NUP35: variants seen among roughly 807,000 people sequenced by gnomAD.
The protein encoded by NUP35 is nucleoporin 35.
A neutral mutation model predicts 41.5 loss-of-function variants in NUP35; 25 were observed. The observed-to-expected ratio is 0.60, with a 90% CI of 0.44 to 0.84. The LOEUF is 0.84. Ranked by LOEUF, NUP35 falls within the 40% of genes least tolerant of loss-of-function variation. The pLI, the probability that NUP35 is intolerant of heterozygous loss-of-function variation, is 0.00. For synonymous variants in NUP35, 149 were observed against 130.7 expected, an observed-to-expected ratio of 1.14 and a Z score of -0.96; for missense variants, 396 against 396.6, an observed-to-expected ratio of 1.00 and a Z score of 0.01.
chr2:183,121,491 A>G (rs1700066674), upstream of NUP35, among the ~76,000 whole-genome samples: 2 of 152,280 alleles, frequency 1.3e-5, no homozygotes, highest in Admixed American at 6.5e-5. Flanking sequence ...ATGCAGGTAA[A>G]GAAAAGAAAA....
chr2:183,155,182 A>G (rs1051689437), intron 5 of NUP35, among the ~76,000 whole-genome samples: 8 of 152,232 alleles, frequency 5.3e-5, no homozygotes, highest in Non-Finnish European at 1.2e-4. Flanking sequence ...TGTATCTATT[A>G]TATATTTTTT....
At chr2:183,141,751 G>T (rs1263388804) in intron 4 of NUP35, among the ~76,000 whole-genome samples, 1 of 152,046 alleles carries the variant, frequency 6.6e-6, no homozygotes, top group Non-Finnish European at 1.5e-5. Context: ...CACTTTTCAA[G>T]CACATTTTTC....
chr2:183,123,920 G>A (rs1313110710), upstream of NUP35: 4 of 539,200 alleles, frequency 7.4e-6, no homozygotes, highest in Admixed American at 2.5e-4. Context: ...AACGGCGTAT[G>A]AGTTACGCTT....
chr2:183,129,859 C>T (rs904990779), intron 2 of NUP35, among the ~76,000 whole-genome samples: 1 of 152,136 alleles, frequency 6.6e-6, no homozygotes, highest in Non-Finnish European at 1.5e-5. Flanking sequence ...GTTCTCTGAT[C>T]GATAAAGACA....
upstream of NUP35, among the ~76,000 whole-genome samples, chr2:183,120,837 C>T (rs1002826066): frequency 3.9e-5 from 6 of 152,086 alleles, no homozygotes; most frequent in Non-Finnish European, 5.9e-5. Context: ...AAAAGATGAG[C>T]TTGCTTTTGA....
chr2:183,160,455 C>G (rs1396303349), intron 8 of NUP35: 1 of 151,984 alleles, frequency 6.6e-6, no homozygotes, highest in Admixed American at 6.6e-5. Flanking sequence ...TGGTGCTATC[C>G]CAGCTCACTG....
intron 5 of NUP35, 108 bp downstream of exon 5, chr2:183,151,757 A>G (rs545669549): frequency 5.2e-6 from 5 of 959,004 alleles, no homozygotes; most frequent in East Asian, 5.0e-5. Context: ...AAACACCCAT[A>G]TTACTACCAC....
chr2:183,137,970 A>C (rs1684940367), intron 4 of NUP35, among the ~76,000 whole-genome samples: 1 of 151,862 alleles, frequency 6.6e-6, no homozygotes, highest in Non-Finnish European at 1.5e-5. Flanking sequence ...AACTTCTGTG[A>C]GGTTTTGTAA....
intron 1 of NUP35, among the ~76,000 whole-genome samples, chr2:183,126,048 C>G (rs6754901): frequency 0.16 from 23,803 of 151,946 alleles, 2,195 homozygotes; most frequent in African/African-American, 0.24. Flanking sequence ...TCCCTCCCTC[C>G]CTTCCTCTTT....
At chr2:183,148,561 AT>A (rs1035182558) in intron 4 of NUP35, among the ~76,000 whole-genome samples, 9 of 152,070 alleles carry the variant, frequency 5.9e-5, no homozygotes, top group African/African-American at 1.9e-4. Flanking sequence ...GATGTTGAGC[AT>A]TTTTTCATAT....
At chr2:183,128,745 G>A (rs192486259) in intron 2 of NUP35, among the ~76,000 whole-genome samples, 1 of 152,222 alleles carries the variant, frequency 6.6e-6, no homozygotes, top group Admixed American at 6.5e-5. Flanking sequence ...TTTTAAAAGT[G>A]TAGTGGTGCA....
chr2:183,130,673 A>C (rs1575114986), intron 3 of NUP35, 128 bp downstream of exon 3: 2 of 968,380 alleles, frequency 2.1e-6, no homozygotes, highest in Non-Finnish European at 1.6e-6. Context: ...CACAGAATAA[A>C]CATTAAACAC....
At chr2:183,152,732 G>C (rs535629800) in intron 5 of NUP35, among the ~76,000 whole-genome samples, 1 of 152,242 alleles carries the variant, frequency 6.6e-6, no homozygotes, top group South Asian at 2.1e-4. Flanking sequence ...TTATTTTACA[G>C]GTGAGGAAAC....
chr2:183,131,890 T>A (rs1006689943), intron 3 of NUP35, among the ~76,000 whole-genome samples: 1 of 152,150 alleles, frequency 6.6e-6, no homozygotes. Context: ...TGGTCTGGGA[T>A]GGTTTTCTAA....
At chr2:183,159,746 A>G (rs1685802431) in intron 8 of NUP35, 94 bp downstream of exon 8, 6 of 1,007,974 alleles carry the variant, frequency 6.0e-6, no homozygotes, top group Non-Finnish European at 8.8e-6. Flanking sequence ...ATGCCATTAA[A>G]TGTTTCCTGT....
intron 1 of NUP35, among the ~76,000 whole-genome samples, chr2:183,127,368 T>A (rs1167091291): frequency 2.6e-5 from 4 of 152,152 alleles, no homozygotes; most frequent in African/African-American, 4.8e-5. Context: ...TCCTCCTGCC[T>A]TGGCCTCCCA....
intron 4 of NUP35, among the ~76,000 whole-genome samples, chr2:183,151,071 C>T (rs1191504216): frequency 1.3e-5 from 2 of 152,154 alleles, no homozygotes; most frequent in Admixed American, 6.5e-5. Flanking sequence ...TTAGTGCATA[C>T]TGGAAAAGTA....
chr2:183,145,971 C>G (rs1373306456), intron 4 of NUP35, among the ~76,000 whole-genome samples: 1 of 152,212 alleles, frequency 6.6e-6, no homozygotes, highest in African/African-American at 2.4e-5. Flanking sequence ...CATGGTAGCT[C>G]ACGCTTGGAA....
chr2:183,121,403 G>C (rs1468045266), upstream of NUP35, among the ~76,000 whole-genome samples: 1 of 152,164 alleles, frequency 6.6e-6, no homozygotes, highest in African/African-American at 2.4e-5. Flanking sequence ...GGAGGAGCAA[G>C]GCCTAGGGAG....
Sources: gnomAD v4.1 joint callset for allele counts (sites outside exome capture counted in the v4.1 genomes callset) on GRCh38, gnomAD v4.1.1 for gene constraint, MANE v1.5 for transcripts, NCBI Gene and HGNC (gene_info 2026-07-23, HGNC 2026-07-21) for gene names.